The following PLEKHA6 variants were observed in gnomAD, a reference collection of about 807,000 sequenced individuals.
PLEKHA6 encodes the protein pleckstrin homology domain-containing family A member 6.
A neutral mutation model predicts 116.7 loss-of-function variants in PLEKHA6; 60 were observed. The observed-to-expected ratio is 0.51, with a 90% CI of 0.42 to 0.64. The LOEUF (loss-of-function observed/expected upper bound fraction) is 0.64. Among genes scored for constraint, PLEKHA6 ranks in the 30% least tolerant of loss-of-function variants. The pLI is 0.00. For missense variants in PLEKHA6, 1,338 were observed against 1,422.7 expected, an observed-to-expected ratio of 0.94 and a Z score of 0.96; for synonymous variants, 489 against 556.1, an observed-to-expected ratio of 0.88 and a Z score of 1.70.
rs1672266115 is a variant in PLEKHA6, at chr1:204,327,019, G to A, written c.-95+32675C>T. 3 of 985,130 alleles carry A rather than the reference G, an allele frequency of 3.0e-6. No individual in the cohort carries two copies. The African/African-American group carries it at 5.2e-5, about 17-fold the overall frequency. The allele number at this position is 985,130 out of a possible 1,614,324, so 61.0% of individuals were successfully genotyped here. A position where few individuals can be genotyped will look rare whatever the true frequency, so the allele number is the denominator to read the frequency against. On this transcript the variant is annotated intron_variant, in intron 1 of 22. Transcript: ENST00000272203. Reference sequence around the variant, plus strand: ...GTAGTAGGGATTTGTGGACAAAGCAGCTACTTGGGTTTCAGCCTCTCCCCA... The same window carrying A: ...GTAGTAGGGATTTGTGGACAAAGCAACTACTTGGGTTTCAGCCTCTCCCCA...
At chr1:204,296,333 T>G (rs1259748184) in intron 1 of PLEKHA6, among the ~76,000 whole-genome samples, 1 of 152,184 alleles carries the variant, frequency 6.6e-6, no homozygotes, top group Non-Finnish European at 1.5e-5. Context: ...CCTGATTTTT[T>G]TTTTTAATGG....
intron 11 of PLEKHA6, 82 bp from the exon 12 acceptor site, chr1:204,249,052 G>GGGCTGA: frequency 6.6e-7 from 1 of 1,524,872 alleles, no homozygotes; most frequent in Non-Finnish European, 9.0e-7. Flanking sequence ...AGCCCTTAGA[G>GGGCTGA]GTTCAACAGG....
In PLEKHA6 at chr1:204,349,190, A is replaced by C. The variant is rs540872632; in HGVS notation, c.-95+10504T>G. ...CCCTCAATTTTAAGGGGGCCAGGAC[A>C]GACACCTGGGATCTGTTTGGATCTT... On this transcript the variant is annotated intron_variant, in intron 1 of 22. Transcript: ENST00000272203. 6.6e-5 allele frequency among the ~76,000 whole-genome samples: 10 copies of C among 152,340 alleles called. No individual in the cohort carries two copies. In the East Asian group the frequency reaches 1.9e-3, roughly 29 times the overall value.
intron 17 of PLEKHA6, among the ~76,000 whole-genome samples, chr1:204,234,040 G>T (rs1380958097): frequency 6.6e-6 from 1 of 152,176 alleles, no homozygotes; most frequent in Non-Finnish European, 1.5e-5. Context: ...CCAAGTCCTA[G>T]CCCCCAATAC....
chr1:204,376,009 T>A (rs910488543), intron 1 of PLEKHA6, among the ~76,000 whole-genome samples: 1 of 151,816 alleles, frequency 6.6e-6, no homozygotes, highest in African/African-American at 2.4e-5. Context: ...AGTTCTTTCC[T>A]TCCCATAGCA....
Position 204,352,252 on chromosome 1 carries a change from G to A in PLEKHA6, c.-95+7442C>T, listed in dbSNP as rs1163714228. On this transcript the variant is annotated intron_variant, in intron 1 of 22. Coordinates refer to ENST00000272203, the MANE Select transcript of PLEKHA6 (RefSeq NM_014935.5). Reference sequence around the variant, plus strand: ...AGCCCGGCATGGTGGCGCATGCCTTGTAATCCCAGCTACTCAGGAGGCTGA... The same window carrying A: ...AGCCCGGCATGGTGGCGCATGCCTTATAATCCCAGCTACTCAGGAGGCTGA... 2.0e-5 allele frequency among the ~76,000 whole-genome samples: 3 copies of A among 151,748 alleles called. No individual in the cohort carries two copies. In the East Asian group the frequency reaches 5.8e-4, roughly 30 times the overall value.
intron 1 of PLEKHA6, chr1:204,326,996 A>G (rs924723556): frequency 2.0e-6 from 2 of 985,162 alleles, no homozygotes; most frequent in African/African-American, 3.5e-5. Context: ...CAGCCTCTGT[A>G]GTAGGGATTT....
At chr1:204,318,624 C>T (rs1339968443) in intron 1 of PLEKHA6, among the ~76,000 whole-genome samples, 3 of 137,988 alleles carry the variant, frequency 2.2e-5, no homozygotes, top group African/African-American at 8.5e-5. Context: ...TTTCAAGTGG[C>T]TTGAATTCAG....
At chr1:204,332,792 G>A (rs555153381) in intron 1 of PLEKHA6, among the ~76,000 whole-genome samples, 2 of 152,246 alleles carry the variant, frequency 1.3e-5, no homozygotes, top group East Asian at 3.9e-4. Flanking sequence ...TCAAATCCTG[G>A]CTCTGCCCCT....
intron 1 of PLEKHA6, among the ~76,000 whole-genome samples, chr1:204,315,848 T>A (rs1671837515): frequency 6.6e-6 from 1 of 152,046 alleles, no homozygotes; most frequent in South Asian, 2.1e-4. Flanking sequence ...GACGACAGCA[T>A]GAGAGGAGGA....
intron 1 of PLEKHA6, among the ~76,000 whole-genome samples, chr1:204,349,294 T>C (rs1017465671): frequency 5.9e-5 from 9 of 152,146 alleles, no homozygotes; most frequent in African/African-American, 1.7e-4. Flanking sequence ...ATCCCAGCAC[T>C]TTGGGAGGCC....
At chr1:204,243,184 C>T in intron 15 of PLEKHA6, 1 of 399,338 alleles carries the variant, frequency 2.5e-6, no homozygotes, top group Non-Finnish European at 4.4e-6. Flanking sequence ...GCGGCTCTCG[C>T]TAGGGAGTGG....
rs1571923453 is a variant in PLEKHA6, at chr1:204,257,981, C to A, written c.1008-112G>T. ...AGAGCAGGGTGCTTGAATAGGTACA[C>A]AGGGGCTGAGGTTTATTCCAGAGAT... On this transcript the variant is annotated intron_variant, in intron 8 of 22. Transcript: ENST00000272203. The surrounding 1 kb of genome is among the most constrained non-coding windows in gnomAD (Gnocchi z 6.5). The A allele has an allele frequency of 7.6e-6, 7 of 915,874 alleles. No homozygotes were observed. The East Asian group carries it at 1.7e-4, about 23-fold the overall frequency. The allele number at this position is 915,874 out of a possible 1,614,324, so 56.7% of individuals were successfully genotyped here. A position where few individuals can be genotyped will look rare whatever the true frequency, so the allele number is the denominator to read the frequency against.
chr1:204,361,864 T>C (rs964699143), upstream of PLEKHA6, among the ~76,000 whole-genome samples: 1 of 151,398 alleles, frequency 6.6e-6, no homozygotes, highest in Non-Finnish European at 1.5e-5. Flanking sequence ...GATTACAGCA[T>C]CCCAGAGGGA....
intron 1 of PLEKHA6, among the ~76,000 whole-genome samples, chr1:204,320,970 G>A (rs1672040827): frequency 6.6e-6 from 1 of 152,172 alleles, no homozygotes; most frequent in African/African-American, 2.4e-5. Flanking sequence ...TATTTCCAAG[G>A]GATCTTGTAG....
At chr1:204,233,949 T>C (rs1462886324) in intron 17 of PLEKHA6, among the ~76,000 whole-genome samples, 1 of 152,150 alleles carries the variant, frequency 6.6e-6, no homozygotes, top group African/African-American at 2.4e-5. Context: ...GGTGAATGTA[T>C]TTTGCAAGTG....
At chr1:204,337,129 G>A (rs374228581) in intron 1 of PLEKHA6, among the ~76,000 whole-genome samples, 1 of 152,342 alleles carries the variant, frequency 6.6e-6, no homozygotes, top group East Asian at 1.9e-4. Flanking sequence ...TGCCTTCTGT[G>A]ATTCTGGCAA....
At chr1:204,253,215 G>T (rs771128471) in intron 9 of PLEKHA6, among the ~76,000 whole-genome samples, 1 of 152,092 alleles carries the variant, frequency 6.6e-6, no homozygotes, top group African/African-American at 2.4e-5. Flanking sequence ...ACCCCTGCTT[G>T]ATTCTCCCAA....
intron 4 of PLEKHA6, among the ~76,000 whole-genome samples, 195 bp from the exon 5 acceptor site, chr1:204,267,742 T>C (rs975507169): frequency 1.3e-5 from 2 of 152,120 alleles, no homozygotes; most frequent in East Asian, 3.9e-4. Context: ...CCTGTGACCT[T>C]CCAGTTCTGT....
Sources: allele counts gnomAD v4.1 joint callset (sites outside exome capture counted in the v4.1 genomes callset), GRCh38; gene constraint gnomAD v4.1.1; non-coding constraint Gnocchi (gnomAD v3.1); transcripts MANE v1.5; gene names NCBI Gene and HGNC (gene_info 2026-07-23, HGNC 2026-07-21).